The following GTF2H2C variants were observed in gnomAD, a reference collection of about 807,000 sequenced individuals.
GTF2H2C encodes GTF2H2 family member C, also known as general transcription factor IIH subunit 2-like protein.
Under a neutral mutation model 24.8 loss-of-function variants are expected in GTF2H2C, and 5 were observed. The ratio of observed to expected loss-of-function variants is 0.20; its 90% CI spans 0.11 to 0.42. The LOEUF (loss-of-function observed/expected upper bound fraction) is 0.42. Among genes scored for constraint, GTF2H2C ranks in the 20% least tolerant of loss-of-function variants. GTF2H2C has a pLI of 1.00. For synonymous variants in GTF2H2C, 14 were observed against 52.6 expected (o/e 0.27, Z 3.18); for missense variants, 45 against 169.8 (o/e 0.27, Z 4.08).
In GTF2H2C at chr5:69,568,435, A is replaced by G. The variant is rs1580626913; in HGVS notation, c.364+228A>G. 4.0e-5 allele frequency: 18 copies of G among 450,368 alleles called. No homozygotes were observed. The East Asian group carries it at 7.1e-4, about 18-fold the overall frequency. The allele number at this position is 450,368 out of a possible 1,614,324, so 27.9% of individuals were successfully genotyped here. The stretch of plus-strand genomic sequence containing the variant: ...AGTGGTAAATAATACTACATTGAAT[A>G]TAAATGTTTTTATTTAAATTCTATA... On this transcript the variant is annotated intron_variant, in intron 8 of 16. Coordinates refer to ENST00000380729, the MANE Select transcript of GTF2H2C (RefSeq NM_001376000.2).
At position 69,593,901 on chromosome 5, in the gene GTF2H2C, A is replaced by C. The variant is rs1174807119; in HGVS notation, c.*1703A>C. 2 of 16,266 alleles carry C rather than the reference A, an allele frequency of 1.2e-4. No homozygotes were observed. Among genetic ancestry groups the C allele is most frequent in the African/African-American group, 2.5e-4 (1 of 3,978 alleles). 1.0% of individuals were successfully genotyped at this position (16,266 alleles called of 1,614,324 possible). ...CAGTGAACCGAGATCGCTCCACTGC[A>C]CTCCAGCCTGGGCGACAGAGCTAGA... On this transcript the variant is annotated 3_prime_UTR_variant, in exon 17 of 17. Transcript: ENST00000380729.
At chr5:69,574,266 T>TC (rs1468931405) in intron 9 of GTF2H2C, among the ~76,000 whole-genome samples, 1 of 89,460 alleles carries the variant, frequency 1.1e-5, no homozygotes, top group Non-Finnish European at 2.2e-5. Context: ...CAGATAACTT[T>TC]TTTTTTTACA....
Position 69,561,275 on chromosome 5 carries a change from C to T in GTF2H2C, c.-132+872C>T, listed in dbSNP as rs560183198. Among the ~76,000 whole-genome samples, 10 of 150,724 alleles carry T rather than the reference C, an allele frequency of 6.6e-5. No individual in the cohort carries two copies. The East Asian group carries it at 1.4e-3, about 21-fold the overall frequency. On this transcript the variant is annotated intron_variant, in intron 1 of 16. Coordinates refer to ENST00000380729, the MANE Select transcript of GTF2H2C (RefSeq NM_001376000.2). ...TAATTAAGAAGTCCTTTTAGCCGGGCGTGGTGACTCATGCCTGTAATCCCA... is the reference window on the plus strand; with the variant it reads ...TAATTAAGAAGTCCTTTTAGCCGGGTGTGGTGACTCATGCCTGTAATCCCA...
chr5:69,561,756 A>G (rs1376441711), intron 1 of GTF2H2C, among the ~76,000 whole-genome samples: 1 of 151,692 alleles, frequency 6.6e-6, no homozygotes, highest in Admixed American at 6.6e-5. Context: ...CCATCCTCCC[A>G]CTTTTGCTTC....
Position 69,594,397 on chromosome 5 carries a change from T to A in GTF2H2C, c.*2199T>A, listed in dbSNP as rs1355500773. 1 of 144,922 alleles carries A rather than the reference T, an allele frequency of 6.9e-6. No homozygotes were observed. Among genetic ancestry groups the A allele is most frequent in the African/African-American group, 2.5e-5 (1 of 39,982 alleles). The allele number at this position is 144,922 out of a possible 1,614,324, so 9.0% of individuals were successfully genotyped here. ...CAGTAAAGACAACGTAATCCCACCCTGGAGAGTTTATTGGGAGCCCAGGAA... is the reference window on the plus strand; with the variant it reads ...CAGTAAAGACAACGTAATCCCACCCAGGAGAGTTTATTGGGAGCCCAGGAA... On this transcript the variant is annotated 3_prime_UTR_variant, in exon 17 of 17. Transcript: ENST00000380729.
chr5:69,581,560 TATTTC>T (rs1456898805), intron 12 of GTF2H2C, among the ~76,000 whole-genome samples: 6 of 145,702 alleles, frequency 4.1e-5, no homozygotes, highest in Non-Finnish European at 7.5e-5. Flanking sequence ...TATATTTTCT[TATTTC>T]ATTTTAAAGT....
In GTF2H2C at chr5:69,579,776, A is replaced by T; in HGVS notation, c.669A>T (p.Leu223Phe). The change falls in exon 12 of 17, where the codon TTA becomes TTT. Residue 223 changes from leucine (L) to phenylalanine (F), a missense_variant. Coordinates refer to ENST00000380729, the MANE Select transcript of GTF2H2C (RefSeq NM_001376000.2). ...TGTTAGGCACGTACCATGTTATTTTAGATGAAAGCCATTACAAAGAGTTGC... is the reference window on the plus strand; with the variant it reads ...TGTTAGGCACGTACCATGTTATTTTTGATGAAAGCCATTACAAAGAGTTGC... Reference protein sequence around the residue: ...RETGGTYHVILDESHYKELLT... With the variant: ...RETGGTYHVIFDESHYKELLT... 6.2e-7 allele frequency: 1 copy of T among 1,606,022 alleles called. No homozygotes were observed. The highest frequency in any genetic ancestry group is 1.1e-5 in the South Asian group (1 of 90,496).
chr5:69,568,173 G>A lies in GTF2H2C; in HGVS notation c.330G>A (p.Lys110=), dbSNP rs1486201301. Residue 110 remains lysine, a synonymous_variant, in exon 8 of 17, where the codon AAG becomes AAA. Transcript: ENST00000380729. The part of the protein sequence containing the change: ...PISQIGIIVT[K]SKRAEKLTEL... ...TCAAGATTGGAATAATTGTAACTAA[G>A]AGTAAAAGAGCTGAAAAATTGACTG... The A allele has an allele frequency of 6.5e-6, 3 of 462,984 alleles. No homozygotes were observed. The highest frequency in any genetic ancestry group is 1.1e-5 in the Non-Finnish European group (3 of 269,790). The allele number at this position is 462,984 out of a possible 1,614,324, so 28.7% of individuals were successfully genotyped here. A position where few individuals can be genotyped will look rare whatever the true frequency, so the allele number is the denominator to read the frequency against.
In GTF2H2C at chr5:69,565,176, A is replaced by G; in HGVS notation, c.44A>G (p.Tyr15Cys). The change falls in exon 3 of 17, where the codon TAT (tyrosine) becomes TGT (cysteine). Residue 15 changes from tyrosine to cysteine, a missense_variant. Tyr to Cys is a radical substitution (Grantham distance 194, BLOSUM62 -2). Transcript: ENST00000380729. Reference protein sequence around the residue: ...PERTKRWEGGYERTWEILKED... With the variant: ...PERTKRWEGGCERTWEILKED... ...AGAACTAAGCGATGGGAAGGAGGCTATGAAAGAACATGGTAAGGAGAGCTT... is the reference window on the plus strand; with the variant it reads ...AGAACTAAGCGATGGGAAGGAGGCTGTGAAAGAACATGGTAAGGAGAGCTT... The G allele has an allele frequency of 1.3e-6, 1 of 741,648 alleles. No homozygotes were observed. The highest frequency in any genetic ancestry group is 2.1e-6 in the Non-Finnish European group (1 of 467,090). 45.9% of individuals were successfully genotyped at this position (741,648 alleles called of 1,614,324 possible).
intron 1 of GTF2H2C, among the ~76,000 whole-genome samples, chr5:69,561,884 C>T (rs960036663): frequency 6.6e-6 from 1 of 151,954 alleles, no homozygotes; most frequent in African/African-American, 2.4e-5. Context: ...ATCCTTTTGC[C>T]TTGGCCTCTC....
Position 69,593,661 on chromosome 5 carries a change from G to A in GTF2H2C, c.*1463G>A, listed in dbSNP as rs1318044860. 2 of 12,662 alleles carry A rather than the reference G, an allele frequency of 1.6e-4. No individual in the cohort carries two copies. The highest frequency in any genetic ancestry group is 2.8e-3 in the East Asian group (2 of 724). The allele number at this position is 12,662 out of a possible 1,614,324, so 0.8% of individuals were successfully genotyped here. On this transcript the variant is annotated 3_prime_UTR_variant, in exon 17 of 17. Transcript: ENST00000380729. The stretch of plus-strand genomic sequence containing the variant: ...AAGAGTAAATCAGGCTTTCAGCCGG[G>A]CGCGGTGGCTCACGCCTGTAATCCT...
At chr5:69,573,117 A>G (rs1270330840) in intron 9 of GTF2H2C, among the ~76,000 whole-genome samples, 1 of 144,080 alleles carries the variant, frequency 6.9e-6, no homozygotes, top group East Asian at 2.0e-4. Flanking sequence ...TTACATATAT[A>G]AGTTAAAGCT....
intron 1 of GTF2H2C, among the ~76,000 whole-genome samples, chr5:69,562,116 C>T (rs900813055): frequency 3.9e-5 from 6 of 151,956 alleles, no homozygotes; most frequent in Non-Finnish European, 5.9e-5. Flanking sequence ...GTCAGGAGTT[C>T]GAGACCAGCC....
At chr5:69,568,356 C>T in intron 8 of GTF2H2C, 149 bp downstream of exon 8, 1 of 508,534 alleles carries the variant, frequency 2.0e-6, no homozygotes, top group South Asian at 2.6e-5. Flanking sequence ...ATCTCCCCCA[C>T]CATTATATTC....
In GTF2H2C at chr5:69,579,784, G is replaced by A. The variant is rs748679157; in HGVS notation, c.677G>A (p.Ser226Asn). ...ACGTACCATGTTATTTTAGATGAAA[G>A]CCATTACAAAGAGTTGCTCACACAT... is the stretch of plus-strand genomic sequence containing the variant. Reference protein sequence around the residue: ...GGTYHVILDESHYKELLTHHL... With the variant: ...GGTYHVILDENHYKELLTHHL... Residue 226 changes from serine (S) to asparagine (N), a missense_variant, in exon 12 of 17, where the codon AGC (serine) becomes AAC (asparagine). Ser to Asn is a conservative substitution (Grantham distance 46). Coordinates refer to ENST00000380729, the MANE Select transcript of GTF2H2C (RefSeq NM_001376000.2). The A allele has an allele frequency of 6.2e-6, 10 of 1,606,494 alleles. No homozygotes were observed. Among genetic ancestry groups the A allele is most frequent in the South Asian group, 1.1e-5 (1 of 90,518 alleles).
chr5:69,568,119 TTATATTAATA>T (rs1228939107), intron 7 of GTF2H2C, 24 bp from the exon 8 acceptor site: 2 of 366,814 alleles, frequency 5.5e-6, no homozygotes, highest in Admixed American at 1.3e-4. Context: ...AAATAACTTG[TTATATTAATA>T]ATAATTTTTG....
chr5:69,591,466 T>C (rs1464169840), intron 16 of GTF2H2C, among the ~76,000 whole-genome samples: 4 of 150,822 alleles, frequency 2.7e-5, no homozygotes, highest in Non-Finnish European at 5.9e-5. Context: ...TTCTTTTTTT[T>C]TTTTTTTATT....
chr5:69,569,565 A>G (rs1405000415), intron 8 of GTF2H2C: 4 of 29,000 alleles, frequency 1.4e-4, no homozygotes, highest in African/African-American at 2.7e-4. Flanking sequence ...GGTCAGCACC[A>G]CATGAACTAA....
chr5:69,565,207 C>A lies in GTF2H2C; in HGVS notation c.56+19C>A, dbSNP rs529200985. On this transcript the variant is annotated intron_variant, in intron 3 of 16. Transcript: ENST00000380729. ...GAACATGGTAAGGAGAGCTTTATTG[C>A]CCTGTCTTTTCTTTTAGACAATGTC... The A allele has an allele frequency of 2.6e-4, 161 of 629,944 alleles. No individual in the cohort carries two copies. In the African/African-American group the frequency reaches 3.1e-3, roughly 12 times the overall value. 39.0% of individuals were successfully genotyped at this position (629,944 alleles called of 1,614,324 possible).
Sources: allele counts gnomAD v4.1 joint callset (sites outside exome capture counted in the v4.1 genomes callset), GRCh38; gene constraint gnomAD v4.1.1; transcripts MANE v1.5; gene names NCBI Gene and HGNC (gene_info 2026-07-23, HGNC 2026-07-21).